Variants in ANKRD27 observed in about 807,000 individuals in gnomAD.
ANKRD27 encodes ankyrin repeat domain 27, also known as ankyrin repeat domain-containing protein 27.
A neutral mutation model predicts 129.7 loss-of-function variants in ANKRD27; 112 were observed. That is an observed-to-expected ratio of 0.86 (90% CI 0.74 to 1.01). The LOEUF is 1.01. ANKRD27 is among the 50% of genes least tolerant of loss of function. The pLI, the probability that ANKRD27 is intolerant of heterozygous loss-of-function variation, is 0.00. For missense variants in ANKRD27, 1,258 were observed against 1,300.5 expected, an observed-to-expected ratio of 0.97 and a Z score of 0.50; for synonymous variants, 516 against 511.2, an observed-to-expected ratio of 1.01 and a Z score of -0.13.
chr19:32,623,260 T>A (rs1972041423), intron 17 of ANKRD27, among the ~76,000 whole-genome samples: 1 of 152,154 alleles, frequency 6.6e-6, no homozygotes, highest in African/African-American at 2.4e-5. Context: ...ATTCTATGGG[T>A]GCCTGGATGT....
intron 17 of ANKRD27, among the ~76,000 whole-genome samples, chr19:32,624,196 G>A (rs75262333): frequency 0.014 from 2,072 of 151,802 alleles, 44 homozygotes; most frequent in East Asian, 0.1. Context: ...GTGAAACCCC[G>A]TCTCTACTAA....
Position 32,636,721 on chromosome 19 carries a change from C to A in ANKRD27, c.1116+2635G>T, listed in dbSNP as rs550760411. 2.6e-3 allele frequency among the ~76,000 whole-genome samples: 380 copies of A among 147,212 alleles called. 2 individuals are homozygous for A. Among genetic ancestry groups the A allele is most frequent in the East Asian group, 0.017 (86 of 5,044 alleles). ...GGGAAAAAAACAGTTCTCTCTCTCT[C>A]TCTATATATATATATATATTTTTTA... On this transcript the variant is annotated intron_variant, in intron 12 of 28. Coordinates refer to ENST00000306065, the MANE Select transcript of ANKRD27 (RefSeq NM_032139.3).
intron 1 of ANKRD27, among the ~76,000 whole-genome samples, chr19:32,672,162 CCAAA>C (rs776846602): frequency 3.9e-5 from 6 of 152,218 alleles, no homozygotes; most frequent in Non-Finnish European, 8.8e-5. Context: ...GGGGCTCTGA[CCAAA>C]CACTCTGACC....
chr19:32,643,377 A>G, intron 7 of ANKRD27, 25 bp from the exon 8 acceptor site: 2 of 1,613,936 alleles, frequency 1.2e-6, no homozygotes, highest in Non-Finnish European at 8.5e-7. Context: ...GACCCCATTC[A>G]GGGTGTGAGC....
intron 22 of ANKRD27, among the ~76,000 whole-genome samples, chr19:32,609,186 G>A (rs1343204072): frequency 1.3e-5 from 2 of 151,730 alleles, no homozygotes; most frequent in Non-Finnish European, 2.9e-5. Flanking sequence ...CTGCTGGAGG[G>A]AACAGAAACT....
rs1967558942 is a variant in ANKRD27 at position 32,657,378 on chromosome 19, C to T, written c.102+1536G>A. Among the ~76,000 whole-genome samples, 4 of 151,746 alleles carry T rather than the reference C, an allele frequency of 2.6e-5. No individual in the cohort carries two copies. The South Asian group carries it at 8.3e-4, about 31-fold the overall frequency. On this transcript the variant is annotated intron_variant, in intron 2 of 28. Transcript: ENST00000306065. ...TCAGGAGACTCAGGCAGGAAAATCG[C>T]TTGAACCCCGGAGGTGGAGGTTGCA...
intron 3 of ANKRD27, among the ~76,000 whole-genome samples, chr19:32,647,988 G>A (rs1448881230): frequency 2.6e-5 from 4 of 152,154 alleles, no homozygotes; most frequent in African/African-American, 7.2e-5. Context: ...GATCCAGGCC[G>A]GGTGCAGTGG....
Position 32,628,780 on chromosome 19 carries a change from C to T in ANKRD27, c.1279G>A (p.Val427Ile), listed in dbSNP as rs148138451. 79 of 1,614,108 alleles carry T rather than the reference C, an allele frequency of 4.9e-5. No individual in the cohort carries two copies. Among genetic ancestry groups the T allele is most frequent in the African/African-American group, 1.5e-4 (11 of 75,034 alleles). ...CAGAGAGGGTGACACATCTTTTGGA[C>T]GGTATCTTTATCATGGTCCTCTTGG... ...LSQEDHDKDTVQKMCHPLCFC... is the reference protein window; with the variant it reads ...LSQEDHDKDTIQKMCHPLCFC... The change falls in exon 14 of 29, where the codon GTC (valine) becomes ATC (isoleucine). Residue 427 changes from valine (V) to isoleucine (I), a missense_variant. Coordinates refer to ENST00000306065, the MANE Select transcript of ANKRD27 (RefSeq NM_032139.3).
chr19:32,662,311 C>A (rs1380421481), intron 1 of ANKRD27, among the ~76,000 whole-genome samples: 7 of 38,018 alleles, frequency 1.8e-4, no homozygotes, highest in African/African-American at 3.3e-4. Flanking sequence ...ACTCAGTCTC[C>A]AAAAAAAAAA....
chr19:32,606,596 G>GTGATAGTGAT (rs879561156), intron 23 of ANKRD27, among the ~76,000 whole-genome samples: 1 of 151,234 alleles, frequency 6.6e-6, no homozygotes, highest in African/African-American at 2.4e-5. Context: ...GATGTGCTGG[G>GTGATAGTGAT]CGACAGTGAT....
Position 32,598,232 on chromosome 19 carries a change from G to A in ANKRD27, c.3066C>T (p.His1022=), listed in dbSNP as rs771474510. 6.2e-7 allele frequency: 1 copy of A among 1,614,166 alleles called. No homozygotes were observed. The highest frequency in any genetic ancestry group is 8.5e-7 in the Non-Finnish European group (1 of 1,180,040). The change falls in exon 29 of 29, where the codon CAC becomes CAT. Residue 1022 remains histidine, a synonymous_variant. Transcript: ENST00000306065. Reference sequence around the variant, plus strand: ...GGGACACGACCGCATCCTCTACCGTGTGTCTCCGCAGCATCCGTCTGTGTC... The same window carrying A: ...GGGACACGACCGCATCCTCTACCGTATGTCTCCGCAGCATCCGTCTGTGTC... ...GPGHRRMLRR[H]TVEDAVVSQG... is the part of the protein sequence containing the mutation.
chr19:32,659,623 C>T (rs1291960024), intron 1 of ANKRD27, among the ~76,000 whole-genome samples: 1 of 152,156 alleles, frequency 6.6e-6, no homozygotes, highest in African/African-American at 2.4e-5. Flanking sequence ...ATGACATTCT[C>T]AAGATACTCA....
intron 1 of ANKRD27, among the ~76,000 whole-genome samples, chr19:32,667,283 C>T (rs776945488): frequency 3.3e-5 from 5 of 152,228 alleles, no homozygotes; most frequent in Non-Finnish European, 5.9e-5. Flanking sequence ...CACAATTTTG[C>T]CCAACAATTA....
intron 18 of ANKRD27, among the ~76,000 whole-genome samples, chr19:32,620,032 C>T (rs568992762): frequency 1.3e-4 from 20 of 152,172 alleles, no homozygotes; most frequent in African/African-American, 2.6e-4. Context: ...GGTAAACAAA[C>T]GCCACGGCAA....
intron 3 of ANKRD27, among the ~76,000 whole-genome samples, 184 bp downstream of exon 3, chr19:32,649,498 C>G (rs1250550978): frequency 6.6e-6 from 1 of 152,052 alleles, no homozygotes; most frequent in Non-Finnish European, 1.5e-5. Flanking sequence ...TCCAGCTTAC[C>G]ATCACTACCT....
intron 1 of ANKRD27, among the ~76,000 whole-genome samples, chr19:32,669,945 G>A (rs371255029): frequency 8.6e-5 from 13 of 150,386 alleles, no homozygotes; most frequent in East Asian, 3.9e-4. Context: ...GCAGCGAGCC[G>A]AGATGGCGCC....
At chr19:32,614,176 G>A (rs1415712622) in intron 22 of ANKRD27, among the ~76,000 whole-genome samples, 1 of 152,044 alleles carries the variant, frequency 6.6e-6, no homozygotes, top group Non-Finnish European at 1.5e-5. Context: ...CACATGCTGC[G>A]TCTTGATGGT....
intron 1 of ANKRD27, among the ~76,000 whole-genome samples, chr19:32,662,548 G>A (rs1165025044): frequency 6.6e-6 from 1 of 151,890 alleles, no homozygotes; most frequent in East Asian, 1.9e-4. Context: ...ACTAGCCTGG[G>A]CAAAATAGCA....
rs1416830852 is a variant in ANKRD27, at chr19:32,605,775, G to T, written c.2493+60C>A. ...CCCAGTGCGCTGCGGGGGTCGCTGG[G>T]TGGAGGCGCCCTGTTAACTGGCGCA... On this transcript the variant is annotated intron_variant, in intron 24 of 28. Coordinates refer to ENST00000306065, the MANE Select transcript of ANKRD27 (RefSeq NM_032139.3). The T allele has an allele frequency of 6.9e-6, 11 of 1,593,212 alleles. No individual in the cohort carries two copies. In the East Asian group the frequency reaches 2.3e-4, roughly 33 times the overall value.
Sources: allele counts gnomAD v4.1 joint callset (sites outside exome capture counted in the v4.1 genomes callset), GRCh38; gene constraint gnomAD v4.1.1; transcripts MANE v1.5; gene names NCBI Gene and HGNC (gene_info 2026-07-23, HGNC 2026-07-21).